The following PGM5 variants were observed in gnomAD, a reference collection of about 807,000 sequenced individuals.
PGM5 encodes phosphoglucomutase-like protein 5.
PGM5 carries 23 observed loss-of-function variants against 59.2 expected under a neutral mutation model. That is an observed-to-expected ratio of 0.39 (90% CI 0.28 to 0.55). The LOEUF (loss-of-function observed/expected upper bound fraction) is 0.55. Ranked by LOEUF, PGM5 falls within the 20% of genes least tolerant of loss-of-function variation. The probability of loss-of-function intolerance (pLI) is 0.66; values close to 1 mark genes in which losing one functional copy is unlikely to be tolerated. For synonymous variants in PGM5, 214 were observed against 286.0 expected (o/e 0.75, Z 2.54); for missense variants, 574 against 748.3 (o/e 0.77, Z 2.72).
At chr9:68,452,277 T>A (rs1347671164) in intron 6 of PGM5, among the ~76,000 whole-genome samples, 2 of 152,182 alleles carry the variant, frequency 1.3e-5, no homozygotes, top group Non-Finnish European at 2.9e-5. Flanking sequence ...TGGCAGTTAG[T>A]CCCTGAAGTA....
chr9:68,406,704 A>AG (rs1822824035), intron 6 of PGM5, among the ~76,000 whole-genome samples: 1 of 79,552 alleles, frequency 1.3e-5, no homozygotes, highest in African/African-American at 5.2e-5. Context: ...ATATATATAT[A>AG]TATATATATA....
intron 6 of PGM5, among the ~76,000 whole-genome samples, chr9:68,421,350 CTCTT>C (rs1199547783): frequency 1.3e-5 from 2 of 152,152 alleles, no homozygotes; most frequent in Non-Finnish European, 2.9e-5. Context: ...TAGATGGTCT[CTCTT>C]CTGTTTGGTG....
intron 9 of PGM5, among the ~76,000 whole-genome samples, chr9:68,492,621 A>C (rs1164809165): frequency 6.6e-6 from 1 of 152,208 alleles, no homozygotes; most frequent in Non-Finnish European, 1.5e-5. Context: ...AGCCAGCCGA[A>C]GGAAGGATGG....
chr9:68,387,677 A>G, intron 4 of PGM5, 89 bp downstream of exon 4: 1 of 1,207,214 alleles, frequency 8.3e-7, no homozygotes, highest in South Asian at 1.4e-5. Flanking sequence ...GGAAAGTTGG[A>G]TTCATAGATA....
intron 6 of PGM5, among the ~76,000 whole-genome samples, chr9:68,443,081 A>G (rs1022016466): frequency 6.6e-6 from 1 of 152,214 alleles, no homozygotes; most frequent in Admixed American, 6.5e-5. Context: ...GTACACAAAT[A>G]TTTATAGCAG....
At position 68,384,509 on chromosome 9, in the gene PGM5, A is replaced by G. The variant is rs781935386; in HGVS notation, c.536A>G (p.Glu179Gly). The G allele has an allele frequency of 1.2e-6, 2 of 1,610,588 alleles. No individual in the cohort carries two copies. The highest frequency in any genetic ancestry group is 1.7e-5 in the Admixed American group (1 of 59,792). Residue 179 changes from glutamate (E) to glycine (G), a missense_variant, in exon 3 of 11, where the codon GAA becomes GGA. By Grantham distance (98) the Glu-to-Gly change is moderately conservative. This residue lies in a region of PGM5 where 103 missense variants were observed against 112.4 expected (regional missense o/e 0.92). Coordinates refer to ENST00000396396, the MANE Select transcript of PGM5 (RefSeq NM_021965.4). ...RIDLSRLGRQ[E>G]FDLENKFKPF... The stretch of plus-strand genomic sequence containing the variant: ...GACCTATCTCGACTAGGAAGACAAG[A>G]ATTTGACCTAGAAAACAAATTCAAA...
chr9:68,467,213 T>G (rs958607361), intron 7 of PGM5, among the ~76,000 whole-genome samples: 3 of 152,200 alleles, frequency 2.0e-5, no homozygotes, highest in African/African-American at 7.2e-5. Flanking sequence ...GCCCCTTGTA[T>G]CTGGAACCCC....
chr9:68,524,991 T>A (rs2132121502), intron 10 of PGM5, among the ~76,000 whole-genome samples: 1 of 152,286 alleles, frequency 6.6e-6, no homozygotes, highest in East Asian at 1.9e-4. Context: ...TGCTTCCAGC[T>A]CCATGTTAGA....
At chr9:68,363,683 A>G (rs1490628204) in intron 1 of PGM5, among the ~76,000 whole-genome samples, 1 of 152,430 alleles carries the variant, frequency 6.6e-6, no homozygotes, top group Non-Finnish European at 1.5e-5. Context: ...TAGCTCTGCC[A>G]TATATTGACC....
intron 7 of PGM5, among the ~76,000 whole-genome samples, chr9:68,469,119 T>C (rs562003784): frequency 6.6e-6 from 1 of 152,300 alleles, no homozygotes; most frequent in Non-Finnish European, 1.5e-5. Flanking sequence ...GATTTCACCA[T>C]ATTGGCCAGG....
intron 1 of PGM5, among the ~76,000 whole-genome samples, chr9:68,371,306 A>G (rs1225188461): frequency 1.5e-4 from 23 of 152,344 alleles, no homozygotes; most frequent in Admixed American, 1.3e-3. Context: ...AAAGTCAGAT[A>G]TTGCCTGCTT....
At chr9:68,521,883 C>T (rs542640090) in intron 10 of PGM5, among the ~76,000 whole-genome samples, 51 of 152,328 alleles carry the variant, frequency 3.3e-4, no homozygotes, top group Non-Finnish European at 6.6e-4. Flanking sequence ...GCTGCTCCTA[C>T]AGACAGCGGC....
At chr9:68,416,314 T>C (rs1420942639) in intron 6 of PGM5, among the ~76,000 whole-genome samples, 2 of 152,212 alleles carry the variant, frequency 1.3e-5, no homozygotes, top group African/African-American at 4.8e-5. Flanking sequence ...GGTGTATAAA[T>C]ACGTCAGCTC....
chr9:68,415,779 A>ATATCTATCTATCTATCTATC (rs782447993), intron 6 of PGM5, among the ~76,000 whole-genome samples: 39 of 33,244 alleles, frequency 1.2e-3, no homozygotes, highest in South Asian at 3.2e-3. Context: ...AAGGCAGGGA[A>ATATCTATCTATCTATCTATC]TATCTATCTA....
chr9:68,459,615 T>C (rs1416123011), intron 6 of PGM5, among the ~76,000 whole-genome samples: 1 of 152,168 alleles, frequency 6.6e-6, no homozygotes, highest in African/African-American at 2.4e-5. Context: ...TTGGTACTAA[T>C]TTGCATCCCT....
chr9:68,398,529 G>A (rs1253214208), intron 6 of PGM5: 1 of 152,224 alleles, frequency 6.6e-6, no homozygotes, highest in Non-Finnish European at 1.5e-5. Flanking sequence ...ACAGCCTAGT[G>A]AGGTCTGGAG....
intron 6 of PGM5, among the ~76,000 whole-genome samples, chr9:68,438,874 G>GT (rs1239665921): frequency 1.3e-5 from 2 of 151,930 alleles, no homozygotes; most frequent in African/African-American, 2.4e-5. Flanking sequence ...TTTTCATTTT[G>GT]TTTTTTTCCC....
intron 6 of PGM5, among the ~76,000 whole-genome samples, chr9:68,462,204 C>T (rs557769231): frequency 6.6e-6 from 1 of 151,942 alleles, no homozygotes; most frequent in Non-Finnish European, 1.5e-5. Flanking sequence ...GAAGTGAGTT[C>T]TCATGTTTAT....
At chr9:68,451,590 G>A (rs368731511) in intron 6 of PGM5, among the ~76,000 whole-genome samples, 5 of 152,184 alleles carry the variant, frequency 3.3e-5, no homozygotes, top group South Asian at 4.1e-4. Flanking sequence ...TACCACCACC[G>A]AATGCTTTTG....
Sources: gnomAD v4.1 joint callset for allele counts (sites outside exome capture counted in the v4.1 genomes callset) on GRCh38, gnomAD v4.1.1 for gene constraint, gnomAD v4.1.1 regional missense constraint, MANE v1.5 for transcripts, NCBI Gene and HGNC (gene_info 2026-07-23, HGNC 2026-07-21) for gene names.